The following HS6ST3 variants were observed in gnomAD, a reference collection of about 807,000 sequenced individuals.
The protein encoded by HS6ST3 is heparan-sulfate 6-O-sulfotransferase 3.
A neutral mutation model predicts 36.7 loss-of-function variants in HS6ST3; 12 were observed. The observed-to-expected ratio is 0.33, with a 90% CI of 0.21 to 0.53. HS6ST3 has a LOEUF of 0.53. Ranked by LOEUF, HS6ST3 falls within the 20% of genes least tolerant of loss-of-function variation. The probability of loss-of-function intolerance (pLI) is 0.95; values close to 1 mark genes in which losing one functional copy is unlikely to be tolerated. For synonymous variants in HS6ST3, 240 were observed against 257.5 expected (o/e 0.93, Z 0.65); for missense variants, 584 against 640.9 (o/e 0.91, Z 0.96).
intron 1 of HS6ST3, among the ~76,000 whole-genome samples, chr13:96,687,630 TGA>T (rs2138442212): frequency 6.6e-6 from 1 of 152,122 alleles, no homozygotes. Context: ...CATGTCAGTC[TGA>T]GAGGCAGTAC....
At chr13:96,569,398 C>T (rs7999291) in intron 1 of HS6ST3, among the ~76,000 whole-genome samples, 21,877 of 152,020 alleles carry the variant, frequency 0.14, 1,939 homozygotes, top group African/African-American at 0.25. Context: ...AGGAGACTGA[C>T]GCCAAGGATA....
Position 96,173,265 on chromosome 13 carries a change from C to T in HS6ST3, c.707+81696C>T, listed in dbSNP as rs1316605300. Among the ~76,000 whole-genome samples, 9 of 152,278 alleles carry T rather than the reference C, an allele frequency of 5.9e-5. No individual in the cohort carries two copies. In the East Asian group the frequency reaches 1.7e-3, roughly 29 times the overall value. On this transcript the variant is annotated intron_variant, in intron 1 of 1. Transcript: ENST00000376705. Reference sequence around the variant, plus strand: ...CATTTTACAGAAGAAGAAACTGAGTCTCCCAGAGATTAAGTGACTTGTTCA... The same window carrying T: ...CATTTTACAGAAGAAGAAACTGAGTTTCCCAGAGATTAAGTGACTTGTTCA...
rs143027310 is a variant in HS6ST3, at chr13:96,442,457, C to T, written c.707+350888C>T. ...TAGAAAGCAATTGAACACTGACTTC[C>T]ATCTCTGAAAGAATTCTCAGCCAAG... On this transcript the variant is annotated intron_variant, in intron 1 of 1. Transcript: ENST00000376705. 1.8e-3 allele frequency among the ~76,000 whole-genome samples: 272 copies of T among 152,300 alleles called. 2 individuals carry two copies. The highest frequency in any genetic ancestry group is 6.4e-3 in the African/African-American group (267 of 41,570).
At chr13:96,251,183 G>C (rs1030838488) in intron 1 of HS6ST3, among the ~76,000 whole-genome samples, 1 of 152,110 alleles carries the variant, frequency 6.6e-6, no homozygotes, top group African/African-American at 2.4e-5. Context: ...TAGGTCTTCG[G>C]TAGAATTCAC....
intron 1 of HS6ST3, among the ~76,000 whole-genome samples, chr13:96,677,721 A>G (rs950453016): frequency 2.0e-5 from 3 of 152,024 alleles, no homozygotes; most frequent in Admixed American, 6.6e-5. Flanking sequence ...CAATTCTTAT[A>G]TTTATCTTAT....
chr13:96,726,172 G>C (rs1263959624), intron 1 of HS6ST3, among the ~76,000 whole-genome samples: 1 of 152,098 alleles, frequency 6.6e-6, no homozygotes, highest in Non-Finnish European at 1.5e-5. Flanking sequence ...TTAATCTGTT[G>C]ATTTTGATGT....
intron 1 of HS6ST3, among the ~76,000 whole-genome samples, chr13:96,464,163 C>CAAAAAAAAAAAAA (rs1322172089): frequency 1.4e-3 from 93 of 64,748 alleles, no homozygotes; most frequent in Middle Eastern, 7.5e-3. Flanking sequence ...AAAAAAAAAT[C>CAAAAAAAAAAAAA]AAAGATCTGA....
intron 1 of HS6ST3, among the ~76,000 whole-genome samples, chr13:96,756,205 A>G (rs746740314): frequency 2.6e-5 from 4 of 151,982 alleles, no homozygotes; most frequent in Non-Finnish European, 4.4e-5. Flanking sequence ...AACAATATTA[A>G]TTGTTTTCTT....
At chr13:96,625,529 G>T (rs1312742403) in intron 1 of HS6ST3, among the ~76,000 whole-genome samples, 1 of 151,918 alleles carries the variant, frequency 6.6e-6, no homozygotes, top group African/African-American at 2.4e-5. Context: ...ACACTCAATT[G>T]TTAATAATTT....
chr13:96,149,317 T>C (rs142716218), intron 1 of HS6ST3, among the ~76,000 whole-genome samples: 1 of 152,312 alleles, frequency 6.6e-6, no homozygotes, highest in African/African-American at 2.4e-5. Context: ...GGACACAAAA[T>C]GAAAGTTTAT....
intron 1 of HS6ST3, among the ~76,000 whole-genome samples, chr13:96,658,770 A>C (rs1455851986): frequency 6.6e-6 from 1 of 151,510 alleles, no homozygotes; most frequent in Non-Finnish European, 1.5e-5. Flanking sequence ...CAATGGCATG[A>C]TCTTGGCTCA....
At chr13:96,598,057 C>T (rs1423697558) in intron 1 of HS6ST3, among the ~76,000 whole-genome samples, 1 of 152,086 alleles carries the variant, frequency 6.6e-6, no homozygotes. Flanking sequence ...CAGTGCCATG[C>T]TGTTTTCATT....
chr13:96,371,840 AT>A (rs2055291602), intron 1 of HS6ST3, among the ~76,000 whole-genome samples: 1 of 152,122 alleles, frequency 6.6e-6, no homozygotes, highest in South Asian at 2.1e-4. Context: ...ATATATATGT[AT>A]TCTATCTGTT....
intron 1 of HS6ST3, among the ~76,000 whole-genome samples, chr13:96,478,187 A>G (rs1434136343): frequency 6.6e-6 from 1 of 152,168 alleles, no homozygotes; most frequent in Admixed American, 6.5e-5. Context: ...GACTGATGGG[A>G]ACATTGGAAG....
intron 1 of HS6ST3, among the ~76,000 whole-genome samples, chr13:96,387,353 G>A (rs934739799): frequency 1.3e-5 from 2 of 152,118 alleles, no homozygotes; most frequent in African/African-American, 4.8e-5. Flanking sequence ...GATCTTCAGA[G>A]TAAATAATCC....
At chr13:96,637,408 A>G (rs2056553704) in intron 1 of HS6ST3, among the ~76,000 whole-genome samples, 1 of 152,156 alleles carries the variant, frequency 6.6e-6, no homozygotes, top group Non-Finnish European at 1.5e-5. Context: ...TGGTTTAGAC[A>G]TTAATTTTGA....
chr13:96,829,010 G>A (rs951341593), intron 1 of HS6ST3, among the ~76,000 whole-genome samples: 14 of 152,120 alleles, frequency 9.2e-5, no homozygotes, highest in African/African-American at 2.9e-4. Flanking sequence ...TGGGAATTAG[G>A]AATGTGTTCT....
chr13:96,386,954 G>C (rs1397527672), intron 1 of HS6ST3, among the ~76,000 whole-genome samples: 1 of 151,874 alleles, frequency 6.6e-6, no homozygotes, highest in Non-Finnish European at 1.5e-5. Context: ...TTGGAAACAG[G>C]GTCTTATTCT....
At chr13:96,286,561 C>G (rs1329440223) in intron 1 of HS6ST3, among the ~76,000 whole-genome samples, 1 of 152,122 alleles carries the variant, frequency 6.6e-6, no homozygotes, top group Non-Finnish European at 1.5e-5. Flanking sequence ...CAGATAACAA[C>G]AAGATATGCA....
Sources: gnomAD v4.1 joint callset for allele counts (sites outside exome capture counted in the v4.1 genomes callset) on GRCh38, gnomAD v4.1.1 for gene constraint, MANE v1.5 for transcripts, NCBI Gene and HGNC (gene_info 2026-07-23, HGNC 2026-07-21) for gene names.